FCHO2: variants seen among roughly 807,000 people sequenced by gnomAD.
FCHO2 encodes F-BAR domain only protein 2.
Under a neutral mutation model 114.1 loss-of-function variants are expected in FCHO2, and 43 were observed. The observed-to-expected ratio is 0.38, with a 90% CI of 0.30 to 0.49. The LOEUF (loss-of-function observed/expected upper bound fraction) is 0.49. Among genes scored for constraint, FCHO2 ranks in the 20% least tolerant of loss-of-function variants. The pLI is 0.97. For synonymous variants in FCHO2, 293 were observed against 315.2 expected (o/e 0.93, Z 0.75); for missense variants, 807 against 950.4 (o/e 0.85, Z 1.98).
chr5:73,039,701 G>A (rs1756714239), intron 10 of FCHO2, among the ~76,000 whole-genome samples: 2 of 151,014 alleles, frequency 1.3e-5, no homozygotes, highest in South Asian at 4.2e-4. Flanking sequence ...GCCGAGGAGG[G>A]TGGATTACTT....
chr5:73,077,301 CATTTT>C (rs1742945433), intron 20 of FCHO2, 32 bp from the exon 21 acceptor site: 3 of 1,530,344 alleles, frequency 2.0e-6, no homozygotes, highest in African/African-American at 2.8e-5. Context: ...GAGATTAGAG[CATTTT>C]ATTTAAACAC....
At chr5:73,020,064 A>G (rs1314831420) in intron 8 of FCHO2, among the ~76,000 whole-genome samples, 1 of 152,170 alleles carries the variant, frequency 6.6e-6, no homozygotes, top group Non-Finnish European at 1.5e-5. Flanking sequence ...GTTGGTTACC[A>G]AAAAGCTCCT....
chr5:73,071,591 A>G (rs1023523964), intron 19 of FCHO2, among the ~76,000 whole-genome samples: 10 of 152,114 alleles, frequency 6.6e-5, no homozygotes, highest in Admixed American at 2.0e-4. Context: ...AGAAACCACA[A>G]TCTACCCTTA....
At chr5:73,023,501 AGACCAGCCT>A (rs1755743088) in intron 8 of FCHO2, among the ~76,000 whole-genome samples, 1 of 152,170 alleles carries the variant, frequency 6.6e-6, no homozygotes, top group Admixed American at 6.5e-5. Flanking sequence ...CAGGAGTTCA[AGACCAGCCT>A]GACCAACATA....
At chr5:73,019,482 A>G (rs1468022220) in intron 8 of FCHO2, among the ~76,000 whole-genome samples, 4 of 152,178 alleles carry the variant, frequency 2.6e-5, no homozygotes, top group Non-Finnish European at 5.9e-5. Flanking sequence ...CGGAGGTTGC[A>G]GTGAGCCAAG....
chr5:73,000,835 T>C (rs1199123865), intron 5 of FCHO2, among the ~76,000 whole-genome samples: 1 of 151,984 alleles, frequency 6.6e-6, no homozygotes, highest in East Asian at 1.9e-4. Flanking sequence ...CTCAAATTCC[T>C]AGTCTCAAGC....
chr5:73,055,128 C>A (rs1016737231), intron 15 of FCHO2: 4 of 320,212 alleles, frequency 1.2e-5, no homozygotes, highest in African/African-American at 6.5e-5. Flanking sequence ...GTTTAAGAGA[C>A]CTAGTAAATG....
intron 18 of FCHO2, among the ~76,000 whole-genome samples, chr5:73,066,356 T>C (rs1193609628): frequency 3.3e-5 from 5 of 151,998 alleles, no homozygotes; most frequent in Non-Finnish European, 7.4e-5. Context: ...CAGAAATTTA[T>C]TTGACATTTA....
chr5:73,051,320 A>T, intron 11 of FCHO2, 29 bp from the exon 12 acceptor site: 1 of 1,443,068 alleles, frequency 6.9e-7, no homozygotes, highest in Non-Finnish European at 9.5e-7. Context: ...TGGAGTTGTC[A>T]TTATAATTTT....
intron 1 of FCHO2, among the ~76,000 whole-genome samples, chr5:72,965,013 AAAAC>A (rs1195059520): frequency 6.6e-6 from 1 of 152,122 alleles, no homozygotes; most frequent in Non-Finnish European, 1.5e-5. Flanking sequence ...TTAAAAAAAA[AAAAC>A]AGTGTATAAA....
Position 72,966,086 on chromosome 5 carries a change from G to C in FCHO2, c.34-2412G>C, listed in dbSNP as rs565408597. On this transcript the variant is annotated intron_variant, in intron 1 of 25. Transcript: ENST00000430046. ...TTTTCAAATCTTGGACTCACCAAAA[G>C]TGAATGCTCGCCACATGCAGTGGCT... is the stretch of plus-strand genomic sequence containing the variant. Among the ~76,000 whole-genome samples, 8 of 152,284 alleles carry C rather than the reference G, an allele frequency of 5.3e-5. No homozygotes were observed. The South Asian group carries it at 1.5e-3, about 28-fold the overall frequency.
At chr5:73,017,355 A>G (rs190902848) in intron 8 of FCHO2, 47 bp downstream of exon 8, 4 of 1,210,036 alleles carry the variant, frequency 3.3e-6, no homozygotes, top group East Asian at 5.4e-5. Context: ...TTTCCCATAT[A>G]GTAACTAACA....
intron 10 of FCHO2, among the ~76,000 whole-genome samples, chr5:73,038,864 TA>T (rs1288472386): frequency 6.6e-6 from 1 of 152,334 alleles, no homozygotes; most frequent in East Asian, 1.9e-4. Context: ...AATTGATTAG[TA>T]AGTAAATGTT....
intron 24 of FCHO2, among the ~76,000 whole-genome samples, chr5:73,083,163 C>T (rs1349647490): frequency 6.6e-6 from 1 of 152,016 alleles, no homozygotes; most frequent in East Asian, 1.9e-4. Flanking sequence ...GGATTACAGG[C>T]GTGAGCCACT....
chr5:72,963,720 T>A lies in FCHO2; in HGVS notation c.34-4778T>A, dbSNP rs912031065. On this transcript the variant is annotated intron_variant, in intron 1 of 25. Transcript: ENST00000430046. ...CATGCCACCACACCCAGCTAATTTT[T>A]AAAAAAAATTTGTAGGGACGAGGTC... is the stretch of plus-strand genomic sequence containing the variant. Among the ~76,000 whole-genome samples, 4 of 151,582 alleles carry A rather than the reference T, an allele frequency of 2.6e-5. No individual in the cohort carries two copies. In the South Asian group the frequency reaches 6.3e-4, roughly 24 times the overall value.
chr5:72,970,822 G>A (rs1484801863), intron 2 of FCHO2, among the ~76,000 whole-genome samples: 3 of 152,032 alleles, frequency 2.0e-5, no homozygotes, highest in African/African-American at 4.8e-5. Flanking sequence ...CTAGCATTAG[G>A]TATATCTCCC....
At chr5:72,965,481 C>G (rs1277243018) in intron 1 of FCHO2, among the ~76,000 whole-genome samples, 4 of 152,110 alleles carry the variant, frequency 2.6e-5, no homozygotes, top group African/African-American at 9.7e-5. Flanking sequence ...TGCCACAAAC[C>G]TTCAATTTGT....
Position 73,050,235 on chromosome 5 carries a change from T to G in FCHO2, c.940-1114T>G, listed in dbSNP as rs546444206. The stretch of plus-strand genomic sequence containing the variant: ...TTTGTTTGAATTTGTTGATATGTCT[T>G]AAGTCTCTCTTGATCTACAGGTTCC... On this transcript the variant is annotated intron_variant, in intron 11 of 25. Transcript: ENST00000430046. Among the ~76,000 whole-genome samples, 33 of 152,226 alleles carry G rather than the reference T, an allele frequency of 2.2e-4. No homozygotes were observed. The South Asian group carries it at 6.8e-3, about 32-fold the overall frequency.
intron 19 of FCHO2, among the ~76,000 whole-genome samples, chr5:73,073,505 G>A (rs1742761242): frequency 6.6e-6 from 1 of 151,916 alleles, no homozygotes; most frequent in Admixed American, 6.6e-5. Context: ...TGTCCCCCTA[G>A]CAAAGTGCCT....
Sources: gnomAD v4.1 joint callset for allele counts (sites outside exome capture counted in the v4.1 genomes callset) on GRCh38, gnomAD v4.1.1 for gene constraint, MANE v1.5 for transcripts, NCBI Gene and HGNC (gene_info 2026-07-23, HGNC 2026-07-21) for gene names.